Variants in CD1D observed in about 807,000 individuals in gnomAD.
CD1D encodes the protein CD1d molecule, also known as antigen-presenting glycoprotein CD1d.
CD1D carries 40 observed loss-of-function variants against 42.1 expected under a neutral mutation model. The observed-to-expected ratio is 0.95, with a 90% CI of 0.74 to 1.24. The LOEUF (loss-of-function observed/expected upper bound fraction) is 1.24, where lower values mean the gene tolerates loss of function less well. CD1D is among the 50% of genes most tolerant of loss of function. CD1D has a pLI of 0.00. For missense variants in CD1D, 437 were observed against 416.5 expected (o/e 1.05, Z -0.43); for synonymous variants, 178 against 171.8 (o/e 1.04, Z -0.28).
In CD1D at chr1:158,184,236, T is replaced by A; in HGVS notation, c.*86T>A. ...CTTCAGTCCTGGTCTGCTCAGGAAT[T>A]GAAGATGTAAGGAATTGAAGATAGG... On this transcript the variant is annotated 3_prime_UTR_variant, in exon 6 of 6. Coordinates refer to ENST00000674085, the MANE Select transcript of CD1D (RefSeq NM_001371762.2). 1 of 1,385,578 alleles carries A rather than the reference T, an allele frequency of 7.2e-7. No individual in the cohort carries two copies. Among genetic ancestry groups the A allele is most frequent in the Non-Finnish European group, 1.0e-6 (1 of 979,998 alleles). The allele number at this position is 1,385,578 out of a possible 1,614,324, so 85.8% of individuals were successfully genotyped here. A position where few individuals can be genotyped will look rare whatever the true frequency, so the allele number is the denominator to read the frequency against.
intron 3 of CD1D, 26 bp from the exon 4 acceptor site, chr1:158,182,851 TC>T (rs763059094): frequency 3.8e-6 from 6 of 1,568,592 alleles, no homozygotes; most frequent in Non-Finnish European, 4.3e-6. Context: ...CACTTTAAGA[TC>T]CCCCCCATTC....
In CD1D at chr1:158,182,247, G is replaced by T. The variant is rs756062333; in HGVS notation, c.544G>T (p.Gly182Cys). 85 of 1,614,008 alleles carry T rather than the reference G, an allele frequency of 5.3e-5. No individual in the cohort carries two copies. Among genetic ancestry groups the T allele is most frequent in the Non-Finnish European group, 6.7e-5 (79 of 1,180,006 alleles). ...GGAAACAGTGCAGTGGCTCCTTAAT[G>T]GCACCTGCCCCCAATTTGTCAGTGG... Reference protein sequence around the residue: ...TRETVQWLLNGTCPQFVSGLL... With the variant: ...TRETVQWLLNCTCPQFVSGLL... The change falls in exon 3 of 6, where the codon GGC becomes TGC. Residue 182 changes from glycine to cysteine, a missense_variant. Physicochemically the swap from Gly to Cys is radical, Grantham distance 159. Transcript: ENST00000674085.
upstream of CD1D, among the ~76,000 whole-genome samples, chr1:158,178,187 T>C (rs1203978187): frequency 1.3e-5 from 2 of 152,216 alleles, no homozygotes; most frequent in Non-Finnish European, 2.9e-5. Flanking sequence ...AATCAGGCCA[T>C]TTTACAGCAA....
chr1:158,183,192 G>A lies in CD1D; in HGVS notation c.886+36G>A, dbSNP rs201516877. 1.8e-5 allele frequency: 28 copies of A among 1,569,990 alleles called. No homozygotes were observed. In the African/African-American group the frequency reaches 3.2e-4, roughly 18 times the overall value. The stretch of plus-strand genomic sequence containing the variant: ...GCTGGGCCCAAGCTGGAAATGGCAG[G>A]AGGTGGTCCTCAGGCATAGAGGGAG... On this transcript the variant is annotated intron_variant, in intron 4 of 5. Coordinates refer to ENST00000674085, the MANE Select transcript of CD1D (RefSeq NM_001371762.2).
rs892236070 is a variant in CD1D, at chr1:158,185,003, C to T, written c.*853C>T. The stretch of plus-strand genomic sequence containing the variant: ...AAGATTGTCATGAAGGCATCCCTTC[C>T]TTCCCAAAACGACAACGGCAACAAC... On this transcript the variant is annotated 3_prime_UTR_variant, in exon 6 of 6. Transcript: ENST00000674085. 6.6e-6 allele frequency: 1 copy of T among 152,176 alleles called. No homozygotes were observed. The highest frequency in any genetic ancestry group is 2.4e-5 in the African/African-American group (1 of 41,434). The allele number at this position is 152,176 out of a possible 1,614,324, so 9.4% of individuals were successfully genotyped here.
upstream of CD1D, among the ~76,000 whole-genome samples, chr1:158,180,591 C>T (rs117641748): frequency 2.2e-4 from 34 of 152,296 alleles, no homozygotes; most frequent in East Asian, 6.6e-3. Flanking sequence ...GGTACTTGCA[C>T]TTGAGAAATT....
At chr1:158,178,714 G>A (rs1430190302), upstream of CD1D, among the ~76,000 whole-genome samples, 1 of 152,110 alleles carries the variant, frequency 6.6e-6, no homozygotes, top group Non-Finnish European at 1.5e-5. Flanking sequence ...ACATATAAGT[G>A]AGATCATGTA....
chr1:158,184,063 C>T (rs749982543), intron 5 of CD1D, 28 bp downstream of exon 5: 11 of 1,612,934 alleles, frequency 6.8e-6, no homozygotes, highest in Middle Eastern at 1.6e-4. Flanking sequence ...CTTTCCTCAA[C>T]CTCTCTCCCC....
rs1385489025 is a variant in CD1D, at chr1:158,185,809, G to A, written c.*1659G>A. 1.3e-5 allele frequency among the ~76,000 whole-genome samples: 2 copies of A among 152,150 alleles called. No individual in the cohort carries two copies. The highest frequency in any genetic ancestry group is 2.4e-5 in the African/African-American group (1 of 41,424). On this transcript the variant is annotated 3_prime_UTR_variant, in exon 6 of 6. Coordinates refer to ENST00000674085, the MANE Select transcript of CD1D (RefSeq NM_001371762.2). ...TTGTTTTGGGCCTCATCCTATACCC[G>A]CTGAATGAGAAACTCTGAGTCTGGA...
rs1041189910 is a variant in CD1D, at chr1:158,185,413, A to C, written c.*1263A>C. 2.6e-5 allele frequency among the ~76,000 whole-genome samples: 4 copies of C among 152,158 alleles called. No individual in the cohort carries two copies. The highest frequency in any genetic ancestry group is 5.9e-5 in the Non-Finnish European group (4 of 68,002). On this transcript the variant is annotated 3_prime_UTR_variant, in exon 6 of 6. Transcript: ENST00000674085. ...ATTCTGCTAGCTTCAACATATCCCA[A>C]AGCACTTGGATATGCCTATAATCCA...
intron 4 of CD1D, among the ~76,000 whole-genome samples, chr1:158,183,713 C>T (rs780515742): frequency 1.3e-5 from 2 of 152,174 alleles, no homozygotes; most frequent in African/African-American, 2.4e-5. Context: ...TTGCCCTTTC[C>T]CTCTATGCTA....
At chr1:158,182,510 G>T in intron 3 of CD1D, 200 bp downstream of exon 3, 1 of 636,382 alleles carries the variant, frequency 1.6e-6, no homozygotes, top group Admixed American at 2.9e-5. Flanking sequence ...ATGAACAACT[G>T]GGGGTGAAAG....
In CD1D at chr1:158,180,949, G is replaced by A. The variant is rs536485503; in HGVS notation, c.-153G>A. 3 of 621,464 alleles carry A rather than the reference G, an allele frequency of 4.8e-6. No homozygotes were observed. In the East Asian group the frequency reaches 9.2e-5, roughly 19 times the overall value. The allele number at this position is 621,464 out of a possible 1,614,324, so 38.5% of individuals were successfully genotyped here. A position where few individuals can be genotyped will look rare whatever the true frequency, so the allele number is the denominator to read the frequency against. The stretch of plus-strand genomic sequence containing the variant: ...CCTTCGGCAGAAGCAGCAAACCGCC[G>A]GCAAGCCCAGCGAGGAGGGCTGCCG... On this transcript the variant is annotated 5_prime_UTR_variant, in exon 1 of 6. Coordinates refer to ENST00000674085, the MANE Select transcript of CD1D (RefSeq NM_001371762.2).
At chr1:158,179,210 C>T (rs778229199), upstream of CD1D, among the ~76,000 whole-genome samples, 57 of 152,264 alleles carry the variant, frequency 3.7e-4, no homozygotes, top group Non-Finnish European at 6.6e-4. Context: ...TCATAGCTTC[C>T]CTCCTATCCA....
Position 158,184,334 on chromosome 1 carries a change from G to T in CD1D, c.*184G>T, listed in dbSNP as rs1163323016. ...ACACCCTTTTAACATTTATCTAAAAGAATTTAAATTCTTTTTCAAAAATTA... is the reference window on the plus strand; with the variant it reads ...ACACCCTTTTAACATTTATCTAAAATAATTTAAATTCTTTTTCAAAAATTA... On this transcript the variant is annotated 3_prime_UTR_variant, in exon 6 of 6. Transcript: ENST00000674085. 6 of 631,614 alleles carry T rather than the reference G, an allele frequency of 9.5e-6. No individual in the cohort carries two copies. Among genetic ancestry groups the T allele is most frequent in the Non-Finnish European group, 1.7e-5 (6 of 361,274 alleles). 39.1% of individuals were successfully genotyped at this position (631,614 alleles called of 1,614,324 possible).
Position 158,185,408 on chromosome 1 carries a change from T to C in CD1D, c.*1258T>C, listed in dbSNP as rs1648663053. Reference sequence around the variant, plus strand: ...TGAAGATTCTGCTAGCTTCAACATATCCCAAAGCACTTGGATATGCCTATA... The same window carrying C: ...TGAAGATTCTGCTAGCTTCAACATACCCCAAAGCACTTGGATATGCCTATA... On this transcript the variant is annotated 3_prime_UTR_variant, in exon 6 of 6. Coordinates refer to ENST00000674085, the MANE Select transcript of CD1D (RefSeq NM_001371762.2). Among the ~76,000 whole-genome samples, 1 of 152,122 alleles carries C rather than the reference T, an allele frequency of 6.6e-6. No homozygotes were observed. The highest frequency in any genetic ancestry group is 2.1e-4 in the South Asian group (1 of 4,826).
At chr1:158,182,853 C>T (rs1648511718) in intron 3 of CD1D, 25 bp from the exon 4 acceptor site, 2 of 1,569,802 alleles carry the variant, frequency 1.3e-6, no homozygotes, top group African/African-American at 1.4e-5. Context: ...CTTTAAGATC[C>T]CCCCCATTCC....
chr1:158,181,781 T>TCC, intron 2 of CD1D, 60 bp downstream of exon 2: 1 of 1,581,122 alleles, frequency 6.3e-7, no homozygotes, highest in Non-Finnish European at 8.6e-7. Context: ...CCACAGAAAC[T>TCC]CAACTGGGAG....
chr1:158,181,068 A>C lies in CD1D; in HGVS notation c.-34A>C, dbSNP rs2101693898. 1 of 1,522,766 alleles carries C rather than the reference A, an allele frequency of 6.6e-7. No individual in the cohort carries two copies. The highest frequency in any genetic ancestry group is 1.3e-5 in the South Asian group (1 of 78,342). 94.3% of individuals were successfully genotyped at this position (1,522,766 alleles called of 1,614,324 possible). On this transcript the variant is annotated 5_prime_UTR_variant, in exon 1 of 6. Coordinates refer to ENST00000674085, the MANE Select transcript of CD1D (RefSeq NM_001371762.2). The stretch of plus-strand genomic sequence containing the variant: ...GTGCGCAGGTCAGAGGGCGGCGCGC[A>C]GCGGCGCTCCGCGAGGTCCCCACGC...
Sources: gnomAD v4.1 joint callset for allele counts (sites outside exome capture counted in the v4.1 genomes callset) on GRCh38, gnomAD v4.1.1 for gene constraint, MANE v1.5 for transcripts, NCBI Gene and HGNC (gene_info 2026-07-23, HGNC 2026-07-21) for gene names.